Variants in TMEM132D observed in about 807,000 individuals in gnomAD.
TMEM132D encodes mature OL transmembrane protein.
TMEM132D carries 21 observed loss-of-function variants against 62.3 expected under a neutral mutation model. That is an observed-to-expected ratio of 0.34 (90% confidence interval 0.24 to 0.49). The LOEUF (loss-of-function observed/expected upper bound fraction) is 0.49. Among genes scored for constraint, TMEM132D ranks in the 20% least tolerant of loss-of-function variants. The pLI, the probability that TMEM132D is intolerant of heterozygous loss-of-function variation, is 0.99. For synonymous variants in TMEM132D, 621 were observed against 575.6 expected (o/e 1.08, Z -1.13); for missense variants, 1,346 against 1,402.8 (o/e 0.96, Z 0.65).
At chr12:129,828,200 C>T (rs902172139) in intron 1 of TMEM132D, among the ~76,000 whole-genome samples, 7 of 152,170 alleles carry the variant, frequency 4.6e-5, no homozygotes, top group African/African-American at 1.7e-4. Context: ...CTCTCACCCT[C>T]TTTGCAATGG....
At chr12:129,381,293 C>T (rs1213460872) in intron 3 of TMEM132D, among the ~76,000 whole-genome samples, 1 of 152,070 alleles carries the variant, frequency 6.6e-6, no homozygotes, top group Non-Finnish European at 1.5e-5. Context: ...TACAAATAAG[C>T]AGTGATAAAG....
At chr12:129,877,411 C>T (rs958084997) in intron 1 of TMEM132D, among the ~76,000 whole-genome samples, 3 of 151,968 alleles carry the variant, frequency 2.0e-5, no homozygotes, top group East Asian at 1.9e-4. Flanking sequence ...CTCTAAGGGC[C>T]GCTGGCTAGC....
At chr12:129,611,567 A>G (rs1878775760) in intron 2 of TMEM132D, among the ~76,000 whole-genome samples, 1 of 152,144 alleles carries the variant, frequency 6.6e-6, no homozygotes, top group Admixed American at 6.5e-5. Context: ...TAGAAGTCCA[A>G]TGGACGTTGA....
chr12:129,477,252 C>T (rs1457656692), intron 3 of TMEM132D, among the ~76,000 whole-genome samples: 1 of 152,052 alleles, frequency 6.6e-6, no homozygotes, highest in African/African-American at 2.4e-5. Context: ...TAAGATGAGA[C>T]GTTTGATTTC....
intron 2 of TMEM132D, among the ~76,000 whole-genome samples, chr12:129,554,685 C>T (rs1266748806): frequency 2.0e-5 from 3 of 152,102 alleles, no homozygotes; most frequent in South Asian, 2.1e-4. Context: ...GGATATTTTC[C>T]GCCAGTGACT....
chr12:129,411,118 T>G (rs958947239), intron 3 of TMEM132D, among the ~76,000 whole-genome samples: 1 of 152,218 alleles, frequency 6.6e-6, no homozygotes, highest in East Asian at 1.9e-4. Context: ...TCTGTCTGCT[T>G]TTTAATGTTT....
intron 3 of TMEM132D, among the ~76,000 whole-genome samples, chr12:129,434,673 A>G (rs1872743915): frequency 6.6e-6 from 1 of 151,364 alleles, no homozygotes; most frequent in Non-Finnish European, 1.5e-5. Context: ...TTTTTTTTTA[A>G]CTGTCACATA....
At chr12:129,220,187 T>A (rs1021564750) in intron 4 of TMEM132D, among the ~76,000 whole-genome samples, 1 of 151,726 alleles carries the variant, frequency 6.6e-6, no homozygotes. Context: ...TTCAGCTGAG[T>A]TCCCAAGAGC....
intron 4 of TMEM132D, among the ~76,000 whole-genome samples, chr12:129,243,666 A>G (rs934557748): frequency 1.3e-5 from 2 of 152,168 alleles, no homozygotes; most frequent in Non-Finnish European, 2.9e-5. Context: ...TGCTGCTTTC[A>G]TTATTATCAT....
intron 5 of TMEM132D, among the ~76,000 whole-genome samples, chr12:129,166,760 CACAT>C (rs140381736): frequency 0.036 from 5,298 of 145,152 alleles, 205 homozygotes; most frequent in East Asian, 0.14. Flanking sequence ...CATACACACA[CACAT>C]ATATATATAT....
At chr12:129,134,193 T>C (rs1876485042) in intron 5 of TMEM132D, among the ~76,000 whole-genome samples, 1 of 151,788 alleles carries the variant, frequency 6.6e-6, no homozygotes, top group Non-Finnish European at 1.5e-5. Context: ...TGTGTCTGTG[T>C]GTGTGTCTGT....
intron 1 of TMEM132D, among the ~76,000 whole-genome samples, chr12:129,781,516 A>C (rs1008068833): frequency 6.6e-6 from 1 of 152,224 alleles, no homozygotes; most frequent in Admixed American, 6.5e-5. Context: ...TACATAAGAC[A>C]CAGGTTTACT....
chr12:129,548,077 A>G (rs1876789180), intron 2 of TMEM132D, among the ~76,000 whole-genome samples: 1 of 152,158 alleles, frequency 6.6e-6, no homozygotes, highest in South Asian at 2.1e-4. Flanking sequence ...TGCTGATAGG[A>G]ATTTACACCT....
intron 4 of TMEM132D, among the ~76,000 whole-genome samples, chr12:129,290,687 T>C (rs1434185337): frequency 6.6e-6 from 1 of 152,180 alleles, no homozygotes. Context: ...AGGATGTGGG[T>C]GGTAGCCTTA....
intron 5 of TMEM132D, among the ~76,000 whole-genome samples, chr12:129,146,445 A>G (rs1876901572): frequency 6.6e-6 from 1 of 152,192 alleles, no homozygotes; most frequent in Admixed American, 6.5e-5. Flanking sequence ...CATTTCTACC[A>G]TGGCCACCAA....
At chr12:129,850,138 C>A (rs1435662173) in intron 1 of TMEM132D, among the ~76,000 whole-genome samples, 1 of 152,140 alleles carries the variant, frequency 6.6e-6, no homozygotes, top group Non-Finnish European at 1.5e-5. Flanking sequence ...GCGAAAGGCC[C>A]AAGTCTGAAA....
At chr12:129,201,870 G>A (rs143970981) in intron 5 of TMEM132D, among the ~76,000 whole-genome samples, 163 of 152,308 alleles carry the variant, frequency 1.1e-3, no homozygotes, top group African/African-American at 3.6e-3. Flanking sequence ...GCTAGCGCCA[G>A]GCTGGACTTT....
chr12:129,820,374 C>A (rs112077669), intron 1 of TMEM132D, among the ~76,000 whole-genome samples: 4 of 152,322 alleles, frequency 2.6e-5, no homozygotes, highest in African/African-American at 9.6e-5. Flanking sequence ...AACAGAGACT[C>A]AGAGAATCTA....
At position 129,236,110 on chromosome 12, in the gene TMEM132D, G is replaced by GTGTGTC. The variant is rs1019971761; in HGVS notation, c.1300-26448_1300-26447insGACACA. ...ATTTTATTATGATGCTATTTTGTGT[G>GTGTGTC]TGTGTGTGTGTGTGTGTGTGTGTGT... On this transcript the variant is annotated intron_variant, in intron 4 of 8. Transcript: ENST00000422113. 4.6e-4 allele frequency among the ~76,000 whole-genome samples: 61 copies of GTGTGTC among 131,976 alleles called. No individual in the cohort carries two copies. In the East Asian group the frequency reaches 0.011, roughly 25 times the overall value. 86.6% of individuals were successfully genotyped at this position (131,976 alleles called of 152,430 possible).
Sources: gnomAD v4.1 joint callset for allele counts (sites outside exome capture counted in the v4.1 genomes callset) on GRCh38, gnomAD v4.1.1 for gene constraint, MANE v1.5 for transcripts, NCBI Gene and HGNC (gene_info 2026-07-23, HGNC 2026-07-21) for gene names.